OPCML: variants seen among roughly 807,000 people sequenced by gnomAD.
OPCML encodes opioid binding protein/cell adhesion molecule like.
In OPCML, 13 loss-of-function variants were observed where a neutral mutation model predicts 37.8. That is an observed-to-expected ratio of 0.34 (90% CI 0.22 to 0.55). OPCML has a LOEUF of 0.55. Among genes scored for constraint, OPCML ranks in the 20% least tolerant of loss-of-function variants. OPCML has a pLI of 0.91. For missense variants in OPCML, 341 were observed against 435.6 expected, an observed-to-expected ratio of 0.78 and a Z score of 1.93; for synonymous variants, 176 against 168.8, an observed-to-expected ratio of 1.04 and a Z score of -0.33.
chr11:132,610,313 C>T (rs1406013844), intron 3 of OPCML, among the ~76,000 whole-genome samples: 2 of 152,196 alleles, frequency 1.3e-5, no homozygotes, highest in African/African-American at 4.8e-5. Flanking sequence ...GGAGAAGACA[C>T]AAACTCCTAT....
At chr11:133,200,496 T>C (rs1938727323) in intron 1 of OPCML, among the ~76,000 whole-genome samples, 1 of 152,188 alleles carries the variant, frequency 6.6e-6, no homozygotes, top group Admixed American at 6.5e-5. Context: ...GGTGGCCACT[T>C]GTATACAATT....
At chr11:132,671,671 G>A (rs1437866498) in intron 2 of OPCML, among the ~76,000 whole-genome samples, 1 of 152,140 alleles carries the variant, frequency 6.6e-6, no homozygotes, top group African/African-American at 2.4e-5. Context: ...CTGAGCTTGT[G>A]GGACTCTCTG....
chr11:133,338,503 A>T (rs1305890984), intron 1 of OPCML, among the ~76,000 whole-genome samples: 1 of 152,152 alleles, frequency 6.6e-6, no homozygotes, highest in Non-Finnish European at 1.5e-5. Flanking sequence ...CCTCTCCTAT[A>T]AAGAGGGCCA....
chr11:133,254,187 C>T (rs1941240238), intron 1 of OPCML, among the ~76,000 whole-genome samples: 1 of 152,128 alleles, frequency 6.6e-6, no homozygotes, highest in Non-Finnish European at 1.5e-5. Context: ...GCAGATGACA[C>T]TTGAATTGGG....
intron 1 of OPCML, among the ~76,000 whole-genome samples, chr11:133,147,298 G>A (rs1017480169): frequency 1.4e-4 from 21 of 152,280 alleles, no homozygotes; most frequent in Non-Finnish European, 2.2e-4. Flanking sequence ...AAAAGAAGAC[G>A]AGGGAGGCAG....
chr11:133,002,721 AAGAG>A (rs899318056), intron 1 of OPCML, among the ~76,000 whole-genome samples: 73 of 151,854 alleles, frequency 4.8e-4, no homozygotes, highest in African/African-American at 1.6e-3. Flanking sequence ...TATAGGGAGA[AAGAG>A]AGGAGGGAAG....
intron 1 of OPCML, among the ~76,000 whole-genome samples, chr11:133,486,891 C>T (rs1947539043): frequency 6.7e-6 from 1 of 150,334 alleles, no homozygotes; most frequent in Non-Finnish European, 1.5e-5. Flanking sequence ...TCCTTTCCCT[C>T]TCTATCTGTC....
chr11:132,953,893 G>A (rs1451705730), intron 1 of OPCML, among the ~76,000 whole-genome samples: 1 of 152,172 alleles, frequency 6.6e-6, no homozygotes, highest in Non-Finnish European at 1.5e-5. Context: ...AAGGTGGCTT[G>A]CAGAGAGCTT....
intron 1 of OPCML, among the ~76,000 whole-genome samples, chr11:133,224,819 C>T (rs571545369): frequency 3.3e-5 from 5 of 152,212 alleles, no homozygotes; most frequent in African/African-American, 7.2e-5. Context: ...TTATACAGTC[C>T]CAAGGAATTT....
chr11:132,972,429 A>C (rs929719886), intron 1 of OPCML, among the ~76,000 whole-genome samples: 5 of 152,220 alleles, frequency 3.3e-5, no homozygotes, highest in Admixed American at 6.5e-5. Context: ...AGCAACAGGC[A>C]ACACACAGTT....
chr11:132,681,624 G>A (rs140096286), intron 2 of OPCML, among the ~76,000 whole-genome samples: 223 of 152,142 alleles, frequency 1.5e-3, no homozygotes, highest in African/African-American at 4.8e-3. Flanking sequence ...TCATTCCTCC[G>A]GGATGCCGGA....
chr11:132,730,008 C>CTTTTTTTTTTTTTTT (rs11389495), intron 2 of OPCML, among the ~76,000 whole-genome samples: 5 of 88,472 alleles, frequency 5.7e-5, no homozygotes, highest in Admixed American at 1.6e-4. Context: ...TTCTATGTGA[C>CTTTTTTTTTTTTTTT]TTTTTTTTTT....
chr11:132,876,126 G>A (rs1265554213), intron 2 of OPCML, among the ~76,000 whole-genome samples: 1 of 152,206 alleles, frequency 6.6e-6, no homozygotes, highest in African/African-American at 2.4e-5. Context: ...TCCTGTCCCA[G>A]TCCAAACTAA....
chr11:132,569,844 G>C (rs2096433092), intron 3 of OPCML, among the ~76,000 whole-genome samples: 1 of 151,750 alleles, frequency 6.6e-6, no homozygotes, highest in Non-Finnish European at 1.5e-5. Flanking sequence ...TCTATACCCA[G>C]CTTTAATATC....
intron 2 of OPCML, among the ~76,000 whole-genome samples, chr11:132,734,558 C>G (rs1002096540): frequency 2.0e-5 from 3 of 152,186 alleles, no homozygotes; most frequent in African/African-American, 7.2e-5. Flanking sequence ...CCTTCAGATG[C>G]AGACATCATG....
At chr11:133,436,291 G>A (rs944003661) in intron 1 of OPCML, among the ~76,000 whole-genome samples, 3 of 152,088 alleles carry the variant, frequency 2.0e-5, no homozygotes, top group African/African-American at 7.2e-5. Flanking sequence ...TGTTAGTTTT[G>A]GTTCCTCCAT....
chr11:132,889,542 T>C (rs1401978297), intron 2 of OPCML, among the ~76,000 whole-genome samples: 2 of 152,236 alleles, frequency 1.3e-5, no homozygotes, highest in Non-Finnish European at 2.9e-5. Context: ...AAGTGATTGA[T>C]AATGAAGGCC....
chr11:132,871,208 T>C (rs2136393726), intron 2 of OPCML, among the ~76,000 whole-genome samples: 1 of 146,170 alleles, frequency 6.8e-6, no homozygotes, highest in East Asian at 2.0e-4. Flanking sequence ...TTTTTTAACT[T>C]AATTTAAAAA....
intron 2 of OPCML, among the ~76,000 whole-genome samples, chr11:132,885,872 A>C (rs1943391213): frequency 6.6e-6 from 1 of 152,202 alleles, no homozygotes; most frequent in African/African-American, 2.4e-5. Context: ...CTATCCAGTT[A>C]ACCACTTCAT....
Sources: gnomAD v4.1 joint callset for allele counts (sites outside exome capture counted in the v4.1 genomes callset) on GRCh38, gnomAD v4.1.1 for gene constraint, MANE v1.5 for transcripts, NCBI Gene and HGNC (gene_info 2026-07-23, HGNC 2026-07-21) for gene names.